ZFHX3: variants seen among roughly 807,000 people sequenced by gnomAD.
The protein encoded by ZFHX3 is zinc finger homeobox 3.
Under a neutral mutation model 279.1 loss-of-function variants are expected in ZFHX3, and 42 were observed. The ratio of observed to expected loss-of-function variants is 0.15; its 90% CI spans 0.12 to 0.19. ZFHX3 has a LOEUF of 0.19. Among genes scored for constraint, ZFHX3 ranks in the 10% least tolerant of loss-of-function variants. The pLI, the probability that ZFHX3 is intolerant of heterozygous loss-of-function variation, is 1.00. For missense variants in ZFHX3, 4,981 were observed against 4,754.0 expected, an observed-to-expected ratio of 1.05 and a Z score of -1.40; for synonymous variants, 2,293 against 1,957.8, an observed-to-expected ratio of 1.17 and a Z score of -4.52.
intron 7 of ZFHX3, among the ~76,000 whole-genome samples, chr16:73,110,556 A>C (rs2144798157): frequency 6.6e-6 from 1 of 152,258 alleles, no homozygotes; most frequent in Admixed American, 6.5e-5. Flanking sequence ...CAGGATCACT[A>C]ATTCTTTGTA....
rs1208638440 is a variant in ZFHX3 at position 72,799,518 on chromosome 16, C to CCATT, written c.3967+505_3967+508dup. On this transcript the variant is annotated intron_variant, in intron 8 of 9. Coordinates refer to ENST00000268489, the MANE Select transcript of ZFHX3 (RefSeq NM_006885.4). Reference sequence around the variant, plus strand: ...GTAGGACAGCCTCACAGAGGTCTAACCATTCATCTAGCCAGGAAACACTAT... The same window carrying CCATT: ...GTAGGACAGCCTCACAGAGGTCTAACCATTCATTCATCTAGCCAGGAAACACTAT... Among the ~76,000 whole-genome samples the CCATT allele has an allele frequency of 2.0e-5, 3 of 152,312 alleles. No individual in the cohort carries two copies. In the East Asian group the frequency reaches 5.8e-4, roughly 29 times the overall value.
At chr16:72,948,556 G>A (rs1222971186) in intron 3 of ZFHX3, among the ~76,000 whole-genome samples, 1 of 152,172 alleles carries the variant, frequency 6.6e-6, no homozygotes, top group Non-Finnish European at 1.5e-5. Context: ...CCGAGTTCCA[G>A]GCCCGTAAGA....
At chr16:73,276,169 TTTTC>T (rs1317718780) in intron 4 of ZFHX3, among the ~76,000 whole-genome samples, 6 of 148,304 alleles carry the variant, frequency 4.0e-5, no homozygotes, top group Non-Finnish European at 7.4e-5. Context: ...TTTTCTTCCT[TTTTC>T]TTTCTTTTTT....
intron 1 of ZFHX3, among the ~76,000 whole-genome samples, chr16:72,984,831 T>C (rs1441654249): frequency 2.0e-5 from 3 of 152,134 alleles, no homozygotes; most frequent in South Asian, 2.1e-4. Context: ...ACAGAATTTA[T>C]ACATATAAAA....
At position 73,069,101 on chromosome 16, in the gene ZFHX3, A is replaced by G. The variant is rs1271567140; in HGVS notation, c.-532-10089T>C. Among the ~76,000 whole-genome samples the G allele has an allele frequency of 5.3e-5, 8 of 152,334 alleles. No homozygotes were observed. The East Asian group carries it at 1.5e-3, about 29-fold the overall frequency. On this transcript the variant is annotated intron_variant, in intron 8 of 17. Transcript: ENST00000641206. ...CAAGTATGAGTGTGTGTAACTGGGCAGGACTGGCCAGGCCCACACGGAGAG... is the reference window on the plus strand; with the variant it reads ...CAAGTATGAGTGTGTGTAACTGGGCGGGACTGGCCAGGCCCACACGGAGAG...
upstream of ZFHX3, among the ~76,000 whole-genome samples, chr16:73,051,107 C>T (rs541955772): frequency 9.4e-4 from 143 of 152,118 alleles, 1 homozygote; most frequent in African/African-American, 3.3e-3. Flanking sequence ...TGACTTCCAG[C>T]GTAACCTGGG....
chr16:73,818,636 G>A (rs1458378009), intron 1 of ZFHX3, among the ~76,000 whole-genome samples: 15 of 152,144 alleles, frequency 9.9e-5, no homozygotes, highest in Admixed American at 9.2e-4. Flanking sequence ...GATTTATCTG[G>A]GGTCCCTGCT....
At chr16:73,621,668 GA>G (rs1289009884) in intron 2 of ZFHX3, among the ~76,000 whole-genome samples, 7 of 151,924 alleles carry the variant, frequency 4.6e-5, no homozygotes, top group Non-Finnish European at 8.8e-5. Flanking sequence ...AATTTAGGGG[GA>G]AAAAAGGAGT....
chr16:73,548,803 G>A (rs927982599), intron 2 of ZFHX3, among the ~76,000 whole-genome samples: 7 of 152,242 alleles, frequency 4.6e-5, no homozygotes, highest in South Asian at 2.1e-4. Flanking sequence ...GAATTGCTAT[G>A]TAAACAAATT....
chr16:73,715,457 C>T (rs887482357), intron 1 of ZFHX3, among the ~76,000 whole-genome samples: 10 of 151,816 alleles, frequency 6.6e-5, no homozygotes, highest in Non-Finnish European at 1.0e-4. Context: ...ATAACTTCCT[C>T]ACAACCTGTG....
At chr16:73,601,162 A>C (rs1467411714) in intron 2 of ZFHX3, among the ~76,000 whole-genome samples, 8 of 152,072 alleles carry the variant, frequency 5.3e-5, no homozygotes. Context: ...GTTATTTAAC[A>C]ATTGTTTGGG....
intron 2 of ZFHX3, among the ~76,000 whole-genome samples, chr16:73,584,206 C>G (rs1031869241): frequency 1.3e-5 from 2 of 151,942 alleles, no homozygotes; most frequent in East Asian, 1.9e-4. Flanking sequence ...ATTGGAGTCC[C>G]AAACGATGAG....
intron 7 of ZFHX3, among the ~76,000 whole-genome samples, chr16:73,111,283 T>G (rs999033215): frequency 1.3e-5 from 2 of 152,168 alleles, no homozygotes; most frequent in African/African-American, 2.4e-5. Context: ...TTTGTTTTTG[T>G]TTTTTCCCTT....
At chr16:73,318,833 T>C (rs1046230828) in intron 3 of ZFHX3, among the ~76,000 whole-genome samples, 12 of 152,206 alleles carry the variant, frequency 7.9e-5, no homozygotes, top group Non-Finnish European at 1.8e-4. Flanking sequence ...CCCCCTGAGC[T>C]AAACAAAAGG....
At position 72,959,815 on chromosome 16, in the gene ZFHX3, C is replaced by A; in HGVS notation, c.331G>T (p.Glu111Ter). ...SARPPPPLRE[E>*]SASDTGEEGD... is the part of the protein sequence containing the mutation. ...TCCTCACCGGTGTCGCTGGCGCTCTCCTCTCTCAGGGGTGGCGGGGGGCGC... is the reference window on the plus strand; with the variant it reads ...TCCTCACCGGTGTCGCTGGCGCTCTACTCTCTCAGGGGTGGCGGGGGGCGC... Residue 111 changes from glutamate (E) to a stop codon, truncating the protein, a stop_gained, in exon 2 of 10, where the codon GAG (glutamate) becomes TAG (stop). Transcript: ENST00000268489. LOFTEE classifies it high-confidence loss of function. The A allele has an allele frequency of 1.3e-6, 2 of 1,594,760 alleles. No homozygotes were observed. The highest frequency in any genetic ancestry group is 1.7e-6 in the Non-Finnish European group (2 of 1,168,500).
At chr16:73,618,982 G>A (rs1404361964) in intron 2 of ZFHX3, among the ~76,000 whole-genome samples, 2 of 152,154 alleles carry the variant, frequency 1.3e-5, no homozygotes, top group African/African-American at 4.8e-5. Context: ...CTGGAGGAGG[G>A]AGGTGGAAAG....
chr16:73,139,832 G>A (rs1966841815), intron 6 of ZFHX3, among the ~76,000 whole-genome samples: 1 of 152,206 alleles, frequency 6.6e-6, no homozygotes, highest in South Asian at 2.1e-4. Context: ...GGTAGGTAGG[G>A]AATATGAAGA....
chr16:73,247,497 T>C (rs936621980), intron 5 of ZFHX3, among the ~76,000 whole-genome samples: 7 of 151,332 alleles, frequency 4.6e-5, no homozygotes, highest in Non-Finnish European at 7.4e-5. Context: ...TATGTATTTG[T>C]ATGTGGAGTG....
At chr16:72,804,670 C>T (rs564659371) in intron 7 of ZFHX3, among the ~76,000 whole-genome samples, 30 of 152,214 alleles carry the variant, frequency 2.0e-4, no homozygotes, top group South Asian at 1.0e-3. Flanking sequence ...TTATACAGCC[C>T]GTGTCTGAGA....
Sources: allele counts gnomAD v4.1 joint callset (sites outside exome capture counted in the v4.1 genomes callset), GRCh38; gene constraint gnomAD v4.1.1; transcripts MANE v1.5; gene names NCBI Gene and HGNC (gene_info 2026-07-23, HGNC 2026-07-21).